The following CDH10 variants were observed in gnomAD, a reference collection of about 807,000 sequenced individuals.
CDH10 encodes cadherin 10.
Under a neutral mutation model 73.1 loss-of-function variants are expected in CDH10, and 30 were observed. The ratio of observed to expected loss-of-function variants is 0.41; its 90% CI spans 0.31 to 0.56. CDH10 has a LOEUF of 0.56. CDH10 is among the 20% of genes least tolerant of loss of function. CDH10 has a pLI of 0.27. For missense variants in CDH10, 815 were observed against 973.7 expected (o/e 0.84, Z 2.17); for synonymous variants, 345 against 348.2 (o/e 0.99, Z 0.10).
intron 2 of CDH10, among the ~76,000 whole-genome samples, chr5:24,573,412 C>CA (rs1294176533): frequency 1.3e-5 from 2 of 151,902 alleles, no homozygotes; most frequent in Non-Finnish European, 2.9e-5. Flanking sequence ...AGTTTAAAGA[C>CA]AAAAGCAGGC....
chr5:24,537,739 C>A (rs745478394), intron 2 of CDH10, 65 bp from the exon 3 acceptor site: 2 of 1,012,530 alleles, frequency 2.0e-6, no homozygotes. Flanking sequence ...TGAAAGAATT[C>A]GCAGAAGGTC....
At chr5:24,562,423 T>C (rs903362783) in intron 2 of CDH10, among the ~76,000 whole-genome samples, 10 of 152,070 alleles carry the variant, frequency 6.6e-5, no homozygotes, top group African/African-American at 2.4e-4. Context: ...ACTCAACTAC[T>C]CTGTTTTTAG....
intron 5 of CDH10, among the ~76,000 whole-genome samples, chr5:24,515,682 C>G (rs1743082496): frequency 6.6e-6 from 1 of 152,160 alleles, no homozygotes; most frequent in Non-Finnish European, 1.5e-5. Flanking sequence ...TCCTCACTCT[C>G]CTGCAATCTG....
chr5:24,629,078 A>G (rs1186784756), intron 1 of CDH10, among the ~76,000 whole-genome samples: 1 of 152,122 alleles, frequency 6.6e-6, no homozygotes, highest in Non-Finnish European at 1.5e-5. Context: ...TCTGTAGAGA[A>G]TATGTGTTTA....
At chr5:24,554,933 C>T (rs1010578646) in intron 2 of CDH10, among the ~76,000 whole-genome samples, 2 of 151,728 alleles carry the variant, frequency 1.3e-5, no homozygotes, top group Admixed American at 6.6e-5. Context: ...TCTTTATTTG[C>T]TTCTTGCTCT....
intron 2 of CDH10, among the ~76,000 whole-genome samples, chr5:24,547,571 C>T (rs955465234): frequency 6.6e-6 from 1 of 152,044 alleles, no homozygotes; most frequent in African/African-American, 2.4e-5. Context: ...GCCAGTCTTC[C>T]CCAAAAGACT....
At chr5:24,565,348 T>C (rs1265288290) in intron 2 of CDH10, among the ~76,000 whole-genome samples, 1 of 152,190 alleles carries the variant, frequency 6.6e-6, no homozygotes, top group East Asian at 1.9e-4. Context: ...TAAATTTCTA[T>C]GTACTAACAT....
At chr5:24,628,789 C>T (rs1747596040) in intron 1 of CDH10, among the ~76,000 whole-genome samples, 1 of 151,818 alleles carries the variant, frequency 6.6e-6, no homozygotes, top group South Asian at 2.1e-4. Context: ...TGCCTTTGCT[C>T]ACAGAAATAC....
At chr5:24,573,702 A>G (rs1745486066) in intron 2 of CDH10, among the ~76,000 whole-genome samples, 1 of 145,404 alleles carries the variant, frequency 6.9e-6, no homozygotes, top group South Asian at 2.1e-4. Flanking sequence ...CTCCATCTCA[A>G]AAAAAAAAAA....
chr5:24,488,116 T>TC lies in CDH10; in HGVS notation c.1913dup (p.Glu641ArgfsTer18). ...TTGACAAGATCAGAGGCTCTTTTTTTCGCTGTCTTTTCAGAGCTGCAAACA... is the reference window on the plus strand; with the variant it reads ...TTGACAAGATCAGAGGCTCTTTTTTTCCGCTGTCTTTTCAGAGCTGCAAACA... On this transcript the variant is annotated frameshift_variant, in exon 12 of 12. Coordinates refer to ENST00000264463, the MANE Select transcript of CDH10 (RefSeq NM_006727.5). LOFTEE classifies it high-confidence loss of function. 6.2e-7 allele frequency: 1 copy of TC among 1,612,490 alleles called. No individual in the cohort carries two copies. Among genetic ancestry groups the TC allele is most frequent in the Non-Finnish European group, 8.5e-7 (1 of 1,179,414 alleles).
intron 5 of CDH10, among the ~76,000 whole-genome samples, chr5:24,522,096 T>C (rs929781924): frequency 1.3e-5 from 2 of 152,106 alleles, no homozygotes; most frequent in South Asian, 4.1e-4. Context: ...ATTGTGCCAC[T>C]GCACTCCAGT....
intron 1 of CDH10, among the ~76,000 whole-genome samples, chr5:24,605,078 T>C (rs1041961868): frequency 6.6e-6 from 1 of 151,964 alleles, no homozygotes; most frequent in Non-Finnish European, 1.5e-5. Context: ...AGAAAATATA[T>C]AGATGGAAAA....
intron 3 of CDH10, among the ~76,000 whole-genome samples, chr5:24,536,823 C>A (rs1004974768): frequency 6.6e-6 from 1 of 151,088 alleles, no homozygotes; most frequent in Non-Finnish European, 1.5e-5. Context: ...TGGTTTTTTT[C>A]GAAAATAAGA....
At chr5:24,611,160 A>G (rs186574373) in intron 1 of CDH10, among the ~76,000 whole-genome samples, 1 of 152,272 alleles carries the variant, frequency 6.6e-6, no homozygotes, top group Admixed American at 6.5e-5. Flanking sequence ...ATATATTGTT[A>G]TTCTTCCCTC....
chr5:24,603,931 A>C (rs895627903), intron 1 of CDH10, among the ~76,000 whole-genome samples: 1 of 152,228 alleles, frequency 6.6e-6, no homozygotes, highest in Non-Finnish European at 1.5e-5. Flanking sequence ...AACATCCCAG[A>C]GAAGTTACAT....
chr5:24,610,791 A>T (rs1746916317), intron 1 of CDH10, among the ~76,000 whole-genome samples: 1 of 152,162 alleles, frequency 6.6e-6, no homozygotes, highest in South Asian at 2.1e-4. Flanking sequence ...AAGTTAGAAA[A>T]ATGTAAACAG....
At chr5:24,605,893 C>T (rs1746744861) in intron 1 of CDH10, among the ~76,000 whole-genome samples, 1 of 152,152 alleles carries the variant, frequency 6.6e-6, no homozygotes, top group Non-Finnish European at 1.5e-5. Context: ...ATGGAATCAA[C>T]AATTGACACA....
At chr5:24,587,291 C>A (rs895044224) in intron 2 of CDH10, among the ~76,000 whole-genome samples, 9 of 152,078 alleles carry the variant, frequency 5.9e-5, no homozygotes, top group African/African-American at 1.9e-4. Context: ...GAACATATGC[C>A]AATTATGAGA....
At position 24,526,731 on chromosome 5, in the gene CDH10, T is replaced by C. The variant is rs548143794; in HGVS notation, c.814+8381A>G. 3.1e-4 allele frequency among the ~76,000 whole-genome samples: 47 copies of C among 152,058 alleles called. 1 individual carries two copies. The South Asian group carries it at 9.5e-3, about 31-fold the overall frequency. On this transcript the variant is annotated intron_variant, in intron 5 of 11. Transcript: ENST00000264463. ...CTCTTGCTGTTCCTATCCAGCAATG[T>C]GCTTCATTGCTATCAAAATAATTGG...
Sources: gnomAD v4.1 joint callset for allele counts (sites outside exome capture counted in the v4.1 genomes callset) on GRCh38, gnomAD v4.1.1 for gene constraint, MANE v1.5 for transcripts, NCBI Gene and HGNC (gene_info 2026-07-23, HGNC 2026-07-21) for gene names.